Variants in MAST4 observed in about 807,000 individuals in gnomAD.
The protein encoded by MAST4 is microtubule-associated serine/threonine-protein kinase 4.
In MAST4, 89 loss-of-function variants were observed where a neutral mutation model predicts 162.7. The ratio of observed to expected loss-of-function variants is 0.55; its 90% confidence interval spans 0.46 to 0.65. MAST4 has a LOEUF of 0.65. Ranked by LOEUF, MAST4 falls within the 30% of genes least tolerant of loss-of-function variation. MAST4 has a pLI of 0.00. For synonymous variants in MAST4, 1,479 were observed against 1,361.1 expected (o/e 1.09, Z -1.91); for missense variants, 3,153 against 3,374.0 (o/e 0.93, Z 1.62).
chr5:66,821,436 G>A (rs1477571062), intron 3 of MAST4, among the ~76,000 whole-genome samples: 1 of 152,032 alleles, frequency 6.6e-6, no homozygotes, highest in Non-Finnish European at 1.5e-5. Context: ...AATATCTCCT[G>A]GTACTTTAAA....
chr5:66,896,221 T>A (rs184904622), intron 3 of MAST4, among the ~76,000 whole-genome samples: 24 of 152,282 alleles, frequency 1.6e-4, no homozygotes, highest in African/African-American at 5.5e-4. Flanking sequence ...GTCCCTCCAT[T>A]TGGGTTCACC....
At chr5:66,820,734 A>C (rs182712301) in intron 3 of MAST4, among the ~76,000 whole-genome samples, 129 of 152,330 alleles carry the variant, frequency 8.5e-4, no homozygotes, top group Non-Finnish European at 1.6e-3. Flanking sequence ...TTTCATATGT[A>C]TATAAGGGTG....
intron 3 of MAST4, among the ~76,000 whole-genome samples, chr5:66,794,704 G>T (rs1755566838): frequency 6.6e-6 from 1 of 152,104 alleles, no homozygotes; most frequent in South Asian, 2.1e-4. Flanking sequence ...TTTTTGAAGG[G>T]ACAAGGTGCT....
chr5:66,878,600 T>A (rs1291856304), intron 3 of MAST4, among the ~76,000 whole-genome samples: 1 of 152,242 alleles, frequency 6.6e-6, no homozygotes, highest in Non-Finnish European at 1.5e-5. Context: ...GGGCATGGAC[T>A]GTGCTGGGCA....
intron 1 of MAST4, among the ~76,000 whole-genome samples, chr5:66,719,298 ACTAGTTTTTT>A (rs1561284451): frequency 6.6e-6 from 1 of 152,186 alleles, no homozygotes; most frequent in Non-Finnish European, 1.5e-5. Flanking sequence ...GGAAATATAA[ACTAGTTTTTT>A]TTCCCTTACG....
intron 19 of MAST4, among the ~76,000 whole-genome samples, chr5:67,140,388 G>A (rs1277303267): frequency 1.3e-5 from 2 of 152,246 alleles, no homozygotes; most frequent in Non-Finnish European, 2.9e-5. Context: ...TTAGGGATAG[G>A]TGAGAGCAAG....
chr5:66,716,862 C>G (rs1007933305), intron 1 of MAST4, among the ~76,000 whole-genome samples: 7 of 152,144 alleles, frequency 4.6e-5, no homozygotes, highest in African/African-American at 1.7e-4. Context: ...TCACCTTTAT[C>G]ATTTATATCT....
At chr5:66,886,451 T>C (rs1205117348) in intron 3 of MAST4, among the ~76,000 whole-genome samples, 1 of 152,072 alleles carries the variant, frequency 6.6e-6, no homozygotes, top group Non-Finnish European at 1.5e-5. Flanking sequence ...CCTAAAACTT[T>C]GTGTTGTTCA....
intron 1 of MAST4, among the ~76,000 whole-genome samples, chr5:66,668,432 C>T (rs763790749): frequency 6.6e-6 from 1 of 152,298 alleles, no homozygotes; most frequent in South Asian, 2.1e-4. Flanking sequence ...TTTGAAAGAT[C>T]ACTTTTCTGC....
intron 5 of MAST4, among the ~76,000 whole-genome samples, chr5:67,086,355 A>G (rs1212074084): frequency 1.3e-5 from 2 of 152,252 alleles, no homozygotes; most frequent in Admixed American, 6.5e-5. Context: ...GACTTCTCCA[A>G]TCTAATTACA....
intron 1 of MAST4, among the ~76,000 whole-genome samples, chr5:66,755,820 C>T (rs1266553739): frequency 2.0e-5 from 3 of 152,140 alleles, no homozygotes; most frequent in African/African-American, 7.2e-5. Context: ...GAATACAGTA[C>T]ATTGCTATTA....
intron 1 of MAST4, among the ~76,000 whole-genome samples, chr5:66,739,889 A>G (rs1361158321): frequency 9.1e-6 from 1 of 109,882 alleles, no homozygotes; most frequent in Admixed American, 1.1e-4. Context: ...GGTGACATTT[A>G]TTGAGGAATA....
At chr5:66,635,562 G>A (rs1377008056) in intron 1 of MAST4, among the ~76,000 whole-genome samples, 3 of 152,190 alleles carry the variant, frequency 2.0e-5, no homozygotes, top group Non-Finnish European at 2.9e-5. Flanking sequence ...TGCAACTGTT[G>A]CAACATGTGC....
chr5:66,719,564 A>G lies in MAST4; in HGVS notation c.364-40145A>G, dbSNP rs567018808. On this transcript the variant is annotated intron_variant, in intron 1 of 28. Coordinates refer to ENST00000403625, the MANE Select transcript of MAST4 (RefSeq NM_001164664.2). ...CTTTTTCTTTTTTTCAATTTATATT[A>G]CTTTAAGTTCTGGGATACATGTGCT... 1.1e-4 allele frequency among the ~76,000 whole-genome samples: 16 copies of G among 152,212 alleles called. 1 individual carries two copies. Among genetic ancestry groups the G allele is most frequent in the Admixed American group, 9.8e-4 (15 of 15,298 alleles).
At chr5:66,980,994 G>A (rs966269463) in intron 4 of MAST4, among the ~76,000 whole-genome samples, 2 of 152,034 alleles carry the variant, frequency 1.3e-5, no homozygotes, top group African/African-American at 2.4e-5. Context: ...TTTTTCTCAT[G>A]AAAGAATAAA....
At chr5:67,070,307 GC>G (rs890609112) in intron 5 of MAST4, among the ~76,000 whole-genome samples, 1 of 152,104 alleles carries the variant, frequency 6.6e-6, no homozygotes, top group Non-Finnish European at 1.5e-5. Flanking sequence ...GTATCAGTCT[GC>G]CCTGTCAGTG....
rs776129296 is a variant in MAST4, at chr5:66,597,036, T to C, written c.363+18T>C. The stretch of plus-strand genomic sequence containing the variant: ...ACGAGGAGGTGGGCCTTTCCCCAGC[T>C]TGCCCACTCTGGGTTCCGGCAGCCG... On this transcript the variant is annotated intron_variant, in intron 1 of 28. Transcript: ENST00000403625. 1 of 1,413,402 alleles carries C rather than the reference T, an allele frequency of 7.1e-7. No homozygotes were observed. The highest frequency in any genetic ancestry group is 1.5e-5 in the South Asian group (1 of 65,866). 87.6% of individuals were successfully genotyped at this position (1,413,402 alleles called of 1,614,324 possible).
intron 5 of MAST4, among the ~76,000 whole-genome samples, chr5:67,083,651 T>C (rs974994347): frequency 6.6e-6 from 1 of 152,192 alleles, no homozygotes; most frequent in African/African-American, 2.4e-5. Flanking sequence ...TTAGGTTACA[T>C]TCTTTAACTC....
In MAST4 at chr5:67,163,771, A is replaced by G; in HGVS notation, c.4592A>G (p.Lys1531Arg). 1 of 1,611,030 alleles carries G rather than the reference A, an allele frequency of 6.2e-7. No homozygotes were observed. The highest frequency in any genetic ancestry group is 8.5e-7 in the Non-Finnish European group (1 of 1,178,706). ...QESVDDLDRD[K>R]LKAKVVVKKA... Reference sequence around the variant, plus strand: ...TCTGTGGACGACCTGGACCGCGACAAGCTGAAGGCCAAGGTGGTGGTGAAG... The same window carrying G: ...TCTGTGGACGACCTGGACCGCGACAGGCTGAAGGCCAAGGTGGTGGTGAAG... Residue 1531 changes from lysine to arginine, a missense_variant, in exon 29 of 29, where the codon AAG (lysine) becomes AGG (arginine). This residue lies in a region of MAST4 where 1,644 missense variants were observed against 1,495.0 expected (regional missense o/e 1.10). Coordinates refer to ENST00000403625, the MANE Select transcript of MAST4 (RefSeq NM_001164664.2). This position sits in a 1 kb window ranked among gnomAD's most constrained non-coding sequence, Gnocchi z 7.0.
Sources: allele counts gnomAD v4.1 joint callset (sites outside exome capture counted in the v4.1 genomes callset), GRCh38; gene constraint gnomAD v4.1.1; regional missense constraint gnomAD v4.1.1; non-coding constraint Gnocchi (gnomAD v3.1); transcripts MANE v1.5; gene names NCBI Gene and HGNC (gene_info 2026-07-23, HGNC 2026-07-21).